The following RGS6 variants were observed in gnomAD, a reference collection of about 807,000 sequenced individuals.
RGS6 encodes regulator of G protein signaling 6.
Under a neutral mutation model 78.5 loss-of-function variants are expected in RGS6, and 30 were observed. That is an observed-to-expected ratio of 0.38 (90% CI 0.29 to 0.52). The LOEUF (loss-of-function observed/expected upper bound fraction) is 0.52. Among genes scored for constraint, RGS6 ranks in the 20% least tolerant of loss-of-function variants. The probability of loss-of-function intolerance (pLI) is 0.85; values close to 1 mark genes in which losing one functional copy is unlikely to be tolerated. For synonymous variants in RGS6, 206 were observed against 206.0 expected (o/e 1.00, Z 0.00); for missense variants, 495 against 609.7 (o/e 0.81, Z 1.98).
intron 2 of RGS6, among the ~76,000 whole-genome samples, chr14:72,327,588 C>T (rs558025824): frequency 1.4e-4 from 21 of 152,282 alleles, no homozygotes; most frequent in African/African-American, 5.1e-4. Flanking sequence ...ACTTCTTTCC[C>T]TGTTGTAAAA....
At chr14:72,552,235 G>A (rs929531660) in intron 17 of RGS6, among the ~76,000 whole-genome samples, 18 of 152,204 alleles carry the variant, frequency 1.2e-4, no homozygotes, top group Non-Finnish European at 1.5e-5. Flanking sequence ...TATTTTTAAA[G>A]TCAACTCAGA....
intron 2 of RGS6, among the ~76,000 whole-genome samples, chr14:71,992,961 CTA>C (rs1261649298): frequency 5.9e-5 from 9 of 152,140 alleles, no homozygotes; most frequent in African/African-American, 2.2e-4. Flanking sequence ...TTTGTCTTCT[CTA>C]TTAATTTGTT....
intron 2 of RGS6, among the ~76,000 whole-genome samples, chr14:72,049,628 G>A (rs564320764): frequency 2.6e-5 from 4 of 152,174 alleles, no homozygotes; most frequent in Non-Finnish European, 5.9e-5. Context: ...CCCACACAGA[G>A]TGGCTGGCTA....
At chr14:71,958,442 TCAG>T (rs2153026748) in intron 1 of RGS6, among the ~76,000 whole-genome samples, 1 of 152,354 alleles carries the variant, frequency 6.6e-6, no homozygotes, top group South Asian at 2.1e-4. Context: ...GAAATTCTAA[TCAG>T]CAGGCCGGGC....
At chr14:72,620,016 A>G in the RGS6 span, 2 of 1,509,822 alleles carry the variant, frequency 1.3e-6, no homozygotes, top group Admixed American at 4.2e-5. Context: ...ACAGAGGAGG[A>G]GAGATTCCAT....
At chr14:72,290,698 C>T (rs192982670) in intron 2 of RGS6, among the ~76,000 whole-genome samples, 9 of 152,250 alleles carry the variant, frequency 5.9e-5, no homozygotes, top group East Asian at 3.9e-4. Flanking sequence ...GAAGAAAATG[C>T]GCTTAATTAG....
intron 2 of RGS6, among the ~76,000 whole-genome samples, chr14:72,266,574 C>T (rs756572889): frequency 6.6e-6 from 1 of 152,168 alleles, no homozygotes; most frequent in Admixed American, 6.5e-5. Flanking sequence ...AAGTTTTTGG[C>T]GCTTAAGACA....
chr14:72,340,523 G>A (rs1056207517), intron 2 of RGS6, among the ~76,000 whole-genome samples: 2 of 152,176 alleles, frequency 1.3e-5, no homozygotes, highest in Non-Finnish European at 2.9e-5. Flanking sequence ...TAGGGTGCAG[G>A]CAGGCTGGGA....
chr14:72,078,251 G>A (rs2094665568), intron 2 of RGS6, among the ~76,000 whole-genome samples: 1 of 152,126 alleles, frequency 6.6e-6, no homozygotes, highest in African/African-American at 2.4e-5. Flanking sequence ...GTAAGGTGAG[G>A]ATGCTTCCCC....
chr14:72,272,009 T>C (rs1368932805), intron 2 of RGS6, among the ~76,000 whole-genome samples: 6 of 151,870 alleles, frequency 4.0e-5, no homozygotes, highest in African/African-American at 1.5e-4. Flanking sequence ...ATAATCTTCC[T>C]ATTTTAAGAA....
chr14:72,287,789 T>C (rs1181542896), intron 2 of RGS6, among the ~76,000 whole-genome samples: 3 of 152,250 alleles, frequency 2.0e-5, no homozygotes, highest in Non-Finnish European at 4.4e-5. Context: ...ATTCCTTCTA[T>C]ACCTAGTTTG....
chr14:72,591,730 T>G, the RGS6 span, among the ~76,000 whole-genome samples: 1 of 152,212 alleles, frequency 6.6e-6, no homozygotes, highest in Non-Finnish European at 1.5e-5. Context: ...CACCTTGTTG[T>G]GTGGCAGACC....
intron 2 of RGS6, among the ~76,000 whole-genome samples, chr14:72,048,775 AT>A (rs2093039431): frequency 6.6e-6 from 1 of 151,892 alleles, no homozygotes; most frequent in African/African-American, 2.4e-5. Context: ...TTTCTATTCT[AT>A]TTTTTAAACT....
chr14:72,241,871 G>A lies in RGS6; in HGVS notation c.85-110224G>A, dbSNP rs551790138. 5.0e-4 allele frequency among the ~76,000 whole-genome samples: 76 copies of A among 152,278 alleles called. 2 individuals are homozygous for A. In the South Asian group the frequency reaches 0.016, roughly 32 times the overall value. On this transcript the variant is annotated intron_variant, in intron 2 of 17. Transcript: ENST00000553525. ...TTCCAGTCCACTAGAAACATTCCAC[G>A]GTGTCTGTCTTACTGCGGCCATGCC...
intron 2 of RGS6, among the ~76,000 whole-genome samples, chr14:72,196,499 C>A (rs1034506603): frequency 2.0e-5 from 3 of 152,154 alleles, no homozygotes; most frequent in African/African-American, 7.2e-5. Flanking sequence ...TATCACGTGA[C>A]ATGCCCCCTG....
chr14:72,420,694 T>C (rs921973826), intron 3 of RGS6, among the ~76,000 whole-genome samples: 2 of 152,212 alleles, frequency 1.3e-5, no homozygotes, highest in African/African-American at 4.8e-5. Context: ...CACTAGTAAT[T>C]TAGCTGCTAC....
chr14:72,233,668 A>G (rs907327103), intron 2 of RGS6, among the ~76,000 whole-genome samples: 2 of 152,162 alleles, frequency 1.3e-5, no homozygotes, highest in African/African-American at 2.4e-5. Context: ...GGCTGGTTCT[A>G]TACAAACGTT....
At chr14:72,256,315 TGA>T (rs1351809986) in intron 2 of RGS6, among the ~76,000 whole-genome samples, 1 of 152,120 alleles carries the variant, frequency 6.6e-6, no homozygotes, top group Non-Finnish European at 1.5e-5. Flanking sequence ...TTCCCTGGTG[TGA>T]GTCATGGGTC....
At chr14:71,907,664 C>T in the RGS6 span, among the ~76,000 whole-genome samples, 1 of 150,344 alleles carries the variant, frequency 6.7e-6, no homozygotes, top group Non-Finnish European at 1.5e-5. Flanking sequence ...TTCTTAGTTA[C>T]AGTATGAGGG....
Sources: gnomAD v4.1 joint callset for allele counts (sites outside exome capture counted in the v4.1 genomes callset) on GRCh38, gnomAD v4.1.1 for gene constraint, MANE v1.5 for transcripts, NCBI Gene and HGNC (gene_info 2026-07-23, HGNC 2026-07-21) for gene names.